HNRNPUL1: variants seen among roughly 807,000 people sequenced by gnomAD.
HNRNPUL1 encodes the protein heterogeneous nuclear ribonucleoprotein U-like protein 1.
Under a neutral mutation model 108.5 loss-of-function variants are expected in HNRNPUL1, and 14 were observed. The observed-to-expected ratio is 0.13, with a 90% CI of 0.09 to 0.20. The LOEUF is 0.20. HNRNPUL1 is among the 10% of genes least tolerant of loss of function. The pLI, the probability that HNRNPUL1 is intolerant of heterozygous loss-of-function variation, is 1.00. For missense variants in HNRNPUL1, 804 were observed against 1,168.3 expected, an observed-to-expected ratio of 0.69 and a Z score of 4.55; for synonymous variants, 422 against 445.2, an observed-to-expected ratio of 0.95 and a Z score of 0.66.
At position 41,292,101 on chromosome 19, in the gene HNRNPUL1, C is replaced by T; in HGVS notation, c.1000-144C>T. 1.2e-6 allele frequency: 1 copy of T among 846,236 alleles called. No individual in the cohort carries two copies. Among genetic ancestry groups the T allele is most frequent in the Non-Finnish European group, 1.9e-6 (1 of 519,218 alleles). The allele number at this position is 846,236 out of a possible 1,614,324, so 52.4% of individuals were successfully genotyped here. ...CTCTGAGATGTTCACTGATGCTGCC[C>T]AGCTTACCTGTATGTTGGGGAAGGA... On this transcript the variant is annotated intron_variant, in intron 7 of 14. Coordinates refer to ENST00000392006, the MANE Select transcript of HNRNPUL1 (RefSeq NM_007040.6). The surrounding 1 kb of genome is among the most constrained non-coding windows in gnomAD (Gnocchi z 4.1).
upstream of HNRNPUL1, chr19:41,264,229 C>T (rs959461928): frequency 5.8e-5 from 20 of 346,294 alleles, no homozygotes; most frequent in African/African-American, 3.8e-4. Context: ...AGCTCCTAGG[C>T]CTTCTCGTGG....
chr19:41,302,690 G>A lies in HNRNPUL1; in HGVS notation c.1713G>A (p.Gly571=). The A allele has an allele frequency of 6.2e-7, 1 of 1,614,156 alleles. No homozygotes were observed. Among genetic ancestry groups the A allele is most frequent in the South Asian group, 1.1e-5 (1 of 91,074 alleles). ...MKANFTLPDV[G]DFLDEVLFIE... ...CCAACTTCACGTTGCCAGATGTTGG[G>A]GACTTCCTGGATGAGGTTCTGTTCA... Residue 571 remains glycine (G), a synonymous_variant, in exon 12 of 15, where the codon GGG becomes GGA. Transcript: ENST00000392006.
chr19:41,264,869 G>C, intron 1 of HNRNPUL1, 71 bp downstream of exon 1: 4 of 1,345,730 alleles, frequency 3.0e-6, no homozygotes, highest in Non-Finnish European at 3.8e-6. Flanking sequence ...GGACGCGGGA[G>C]TCCAGCGCCT....
Position 41,272,188 on chromosome 19 carries a change from T to C in HNRNPUL1, c.525T>C (p.Tyr175=), listed in dbSNP as rs778467769. 6 of 1,613,982 alleles carry C rather than the reference T, an allele frequency of 3.7e-6. No individual in the cohort carries two copies. The African/African-American group carries it at 4.0e-5, about 11-fold the overall frequency. ...RQQFQSRKRP[Y]EENRGRGYFE... ...AATTCCAGAGTCGAAAGAGGCCTTA[T>C]GAAGAAAACCGGGGACGGGGGTACT... Residue 175 remains tyrosine, a synonymous_variant, in exon 3 of 15, where the codon TAT becomes TAC. Transcript: ENST00000392006.
chr19:41,298,335 C>T (rs2037005631), intron 10 of HNRNPUL1, among the ~76,000 whole-genome samples: 1 of 152,210 alleles, frequency 6.6e-6, no homozygotes, highest in Non-Finnish European at 1.5e-5. Context: ...TCAACATCTT[C>T]AAGCAGGGTG....
At chr19:41,279,255 C>G (rs1417670458) in intron 6 of HNRNPUL1, 79 bp downstream of exon 6, 22 of 979,792 alleles carry the variant, frequency 2.2e-5, no homozygotes, top group Non-Finnish European at 3.4e-5. Context: ...CCTAAGCTTC[C>G]TTTTCCAGCG....
At chr19:41,276,491 A>C (rs2035566836) in intron 5 of HNRNPUL1, 193 bp downstream of exon 5, 1 of 531,194 alleles carries the variant, frequency 1.9e-6, no homozygotes, top group East Asian at 3.2e-5. Flanking sequence ...AAGCAGGCCA[A>C]CCATGCATTG....
Position 41,264,722 on chromosome 19 carries a change from G to A in HNRNPUL1, c.219G>A (p.Glu73=). 1 of 1,461,864 alleles carries A rather than the reference G, an allele frequency of 6.8e-7. No homozygotes were observed. Among genetic ancestry groups the A allele is most frequent in the Non-Finnish European group, 9.0e-7 (1 of 1,110,016 alleles). 90.6% of individuals were successfully genotyped at this position (1,461,864 alleles called of 1,614,324 possible). Residue 73 remains glutamate (E), a synonymous_variant, in exon 1 of 15, where the codon GAG becomes GAA. Coordinates refer to ENST00000392006, the MANE Select transcript of HNRNPUL1 (RefSeq NM_007040.6). ...EVETEGGSEL[E]GTAQPPPPGL... is the part of the protein sequence containing the mutation. The stretch of plus-strand genomic sequence containing the variant: ...AGACCGAGGGGGGCTCCGAGCTGGA[G>A]GGGACCGCGCAGCCACCGCCGCCCG...
chr19:41,272,333 A>G lies in HNRNPUL1; in HGVS notation c.572+98A>G, dbSNP rs539487341. On this transcript the variant is annotated intron_variant, in intron 3 of 14. Transcript: ENST00000392006. ...CATTTGCACTAACCTAGAGGGGCTG[A>G]GTAAAGATTCCCTCTGCTTTCACAC... The G allele has an allele frequency of 6.3e-4, 744 of 1,177,702 alleles. 2 individuals are homozygous for G. The highest frequency in any genetic ancestry group is 8.5e-4 in the Non-Finnish European group (699 of 826,806). The allele number at this position is 1,177,702 out of a possible 1,614,324, so 73.0% of individuals were successfully genotyped here. A position where few individuals can be genotyped will look rare whatever the true frequency, so the allele number is the denominator to read the frequency against.
intron 6 of HNRNPUL1, among the ~76,000 whole-genome samples, chr19:41,279,611 G>A (rs2035786697): frequency 6.6e-6 from 1 of 152,162 alleles, no homozygotes; most frequent in African/African-American, 2.4e-5. Context: ...GAGGGGCAGG[G>A]GCTGCCTATT....
Position 41,281,080 on chromosome 19 carries a change from TCAAAAA to T in HNRNPUL1, c.887-82_887-77del. 5 of 864,950 alleles carry T rather than the reference TCAAAAA, an allele frequency of 5.8e-6. No individual in the cohort carries two copies. In the Admixed American group the frequency reaches 6.3e-5, roughly 11 times the overall value. 53.6% of individuals were successfully genotyped at this position (864,950 alleles called of 1,614,324 possible). A position where few individuals can be genotyped will look rare whatever the true frequency, so the allele number is the denominator to read the frequency against. ...CTAGTAAAGAAAATGATTTTTTTCT[TCAAAAA>T]TAAAAGTATGTGGCAGCCATTGAGG... On this transcript the variant is annotated intron_variant, in intron 6 of 14. Transcript: ENST00000392006.
chr19:41,301,719 C>T lies in HNRNPUL1; in HGVS notation c.1687+15C>T. ...AGAAATGAAAGGTAGGAAATGAGTG[C>T]TTCCCAGAGGAACGTCAATGCAGGG... On this transcript the variant is annotated intron_variant, in intron 11 of 14. Transcript: ENST00000392006. The T allele has an allele frequency of 6.2e-7, 1 of 1,604,748 alleles. No individual in the cohort carries two copies. Among genetic ancestry groups the T allele is most frequent in the Non-Finnish European group, 8.5e-7 (1 of 1,175,290 alleles).
upstream of HNRNPUL1, among the ~76,000 whole-genome samples, chr19:41,263,753 A>G (rs2122325356): frequency 6.6e-6 from 1 of 152,344 alleles, no homozygotes; most frequent in Non-Finnish European, 1.5e-5. Context: ...AACTTTTCCT[A>G]AAATGAGCCA....
At chr19:41,300,635 C>G (rs2037150723) in intron 10 of HNRNPUL1, among the ~76,000 whole-genome samples, 1 of 152,184 alleles carries the variant, frequency 6.6e-6, no homozygotes, top group African/African-American at 2.4e-5. Flanking sequence ...GAGGTAGGCC[C>G]CATTCCCAAA....
intron 7 of HNRNPUL1, among the ~76,000 whole-genome samples, chr19:41,284,097 A>G (rs1486036722): frequency 1.3e-5 from 2 of 152,224 alleles, no homozygotes; most frequent in East Asian, 1.9e-4. Flanking sequence ...TGTTACTGCA[A>G]TATCATAAGC....
intron 13 of HNRNPUL1, among the ~76,000 whole-genome samples, chr19:41,304,782 C>T (rs987909817): frequency 6.6e-6 from 1 of 152,214 alleles, no homozygotes; most frequent in African/African-American, 2.4e-5. Flanking sequence ...GCACAGGCTC[C>T]TGTAAACCAG....
intron 2 of HNRNPUL1, among the ~76,000 whole-genome samples, chr19:41,268,672 A>G (rs947383107): frequency 6.6e-6 from 1 of 152,088 alleles, no homozygotes; most frequent in Non-Finnish European, 1.5e-5. Context: ...CAGCCTGGCC[A>G]ATATGGTGAA....
upstream of HNRNPUL1, among the ~76,000 whole-genome samples, chr19:41,263,226 C>T (rs1310642386): frequency 2.6e-5 from 4 of 152,040 alleles, no homozygotes; most frequent in Admixed American, 6.6e-5. Flanking sequence ...CCGATTGCGT[C>T]TTACTCGAGT....
Position 41,304,166 on chromosome 19 carries a change from C to T in HNRNPUL1, c.2167C>T (p.Pro723Ser), listed in dbSNP as rs1263849575. The change falls in exon 13 of 15, where the codon CCC (proline) becomes TCC (serine). Residue 723 changes from proline (P) to serine (S), a missense_variant. Around this residue, in one of 4 missense-constraint regions of HNRNPUL1, gnomAD observed 294 missense variants for 388.3 expected, o/e 0.76. Coordinates refer to ENST00000392006, the MANE Select transcript of HNRNPUL1 (RefSeq NM_007040.6). ...ACCCAGCTACAGCCCTGCTCGGAAC[C>T]CCCCAGGGGCCAGCACCTACAATAA... ...PPPSYSPARN[P>S]PGASTYNKNS... The T allele has an allele frequency of 1.2e-6, 2 of 1,614,202 alleles. No homozygotes were observed. The highest frequency in any genetic ancestry group is 3.3e-5 in the Admixed American group (2 of 60,028).
Sources: gnomAD v4.1 joint callset for allele counts (sites outside exome capture counted in the v4.1 genomes callset) on GRCh38, gnomAD v4.1.1 for gene constraint, gnomAD v4.1.1 regional missense constraint, Gnocchi (gnomAD v3.1) non-coding constraint, MANE v1.5 for transcripts, NCBI Gene and HGNC (gene_info 2026-07-23, HGNC 2026-07-21) for gene names.